Variants in DLG2 observed in about 807,000 individuals in gnomAD.
The protein encoded by DLG2 is discs large MAGUK scaffold protein 2.
A neutral mutation model predicts 132.5 loss-of-function variants in DLG2; 45 were observed. That is an observed-to-expected ratio of 0.34 (90% CI 0.27 to 0.44). The LOEUF (loss-of-function observed/expected upper bound fraction) is 0.44. DLG2 is among the 20% of genes least tolerant of loss of function. DLG2 has a pLI of 1.00. For synonymous variants in DLG2, 424 were observed against 419.6 expected (o/e 1.01, Z -0.13); for missense variants, 1,045 against 1,196.9 (o/e 0.87, Z 1.87).
At chr11:83,659,424 CTT>C (rs1005109396) in intron 18 of DLG2, among the ~76,000 whole-genome samples, 1 of 152,212 alleles carries the variant, frequency 6.6e-6, no homozygotes, top group Admixed American at 6.5e-5. Flanking sequence ...CACTCCATCT[CTT>C]TTTGCTTACT....
intron 6 of DLG2, among the ~76,000 whole-genome samples, chr11:85,010,805 T>C (rs552851018): frequency 2.0e-5 from 3 of 152,284 alleles, no homozygotes; most frequent in South Asian, 2.1e-4. Flanking sequence ...AAGATGCTAA[T>C]TGCTTTTGGT....
intron 6 of DLG2, among the ~76,000 whole-genome samples, chr11:84,795,845 C>T (rs1478167748): frequency 6.6e-6 from 1 of 152,190 alleles, no homozygotes. Flanking sequence ...ACCGTGAAAG[C>T]CACTTGTGGT....
At chr11:84,224,607 A>G (rs1382161202) in intron 8 of DLG2, among the ~76,000 whole-genome samples, 1 of 152,162 alleles carries the variant, frequency 6.6e-6, no homozygotes, top group Non-Finnish European at 1.5e-5. Context: ...TATGTGATAG[A>G]TATTATTATT....
rs191567186 is a variant in DLG2 at position 84,669,791 on chromosome 11, T to C, written c.358-135060A>G. Among the ~76,000 whole-genome samples, 63 of 152,292 alleles carry C rather than the reference T, an allele frequency of 4.1e-4. 1 individual carries two copies. The highest frequency in any genetic ancestry group is 3.5e-3 in the Admixed American group (53 of 15,286). ...ATACACTTCATTTTTAGGCTTGGAC[T>C]CCTAAGTACCTCCTTGGAGATCCTC... On this transcript the variant is annotated intron_variant, in intron 6 of 27. Transcript: ENST00000376104.
At chr11:84,088,998 A>T (rs750461370) in intron 10 of DLG2, among the ~76,000 whole-genome samples, 16 of 152,212 alleles carry the variant, frequency 1.1e-4, no homozygotes, top group Non-Finnish European at 2.1e-4. Context: ...AACATTTACC[A>T]TGATCATAGT....
chr11:84,486,569 A>G lies in DLG2; in HGVS notation c.519+48001T>C, dbSNP rs369690003. Among the ~76,000 whole-genome samples, 6 of 152,222 alleles carry G rather than the reference A, an allele frequency of 3.9e-5. No individual in the cohort carries two copies. In the South Asian group the frequency reaches 1.2e-3, roughly 32 times the overall value. On this transcript the variant is annotated intron_variant, in intron 7 of 27. Coordinates refer to ENST00000376104, the MANE Select transcript of DLG2 (RefSeq NM_001142699.3). ...GCGAGTGACAAGATGATTTCCTTCT[A>G]TTGGAAATAGGTGTGAAAATCTGCC...
chr11:83,894,390 G>C (rs2070935053), intron 15 of DLG2, among the ~76,000 whole-genome samples: 1 of 152,004 alleles, frequency 6.6e-6, no homozygotes, highest in Non-Finnish European at 1.5e-5. Flanking sequence ...TTAGAACAGA[G>C]GAGATTTCAC....
At chr11:84,261,359 C>T (rs1037742963) in intron 7 of DLG2, among the ~76,000 whole-genome samples, 1 of 152,146 alleles carries the variant, frequency 6.6e-6, no homozygotes, top group Non-Finnish European at 1.5e-5. Context: ...AAATCAGTTG[C>T]AGTCCTCAAT....
chr11:84,611,493 C>T (rs924643753), intron 6 of DLG2, among the ~76,000 whole-genome samples: 20 of 152,230 alleles, frequency 1.3e-4, no homozygotes, highest in Admixed American at 2.6e-4. Context: ...CTTGAAGAAG[C>T]TTAAAATTCT....
At chr11:85,312,873 A>T (rs901697949) in intron 3 of DLG2, among the ~76,000 whole-genome samples, 1 of 151,958 alleles carries the variant, frequency 6.6e-6, no homozygotes, top group African/African-American at 2.4e-5. Flanking sequence ...AAAAATATTG[A>T]GAAATGATGA....
chr11:84,316,507 G>T (rs989662094), intron 7 of DLG2, among the ~76,000 whole-genome samples: 3 of 151,904 alleles, frequency 2.0e-5, no homozygotes, highest in African/African-American at 7.3e-5. Flanking sequence ...AAACAGGCAG[G>T]ACAGAACAAA....
At chr11:84,504,947 C>A (rs193157717) in intron 7 of DLG2, among the ~76,000 whole-genome samples, 1 of 152,080 alleles carries the variant, frequency 6.6e-6, no homozygotes, top group Non-Finnish European at 1.5e-5. Flanking sequence ...AATATTTGCT[C>A]GTATTGCTAT....
At chr11:85,566,409 A>G (rs1208879739) in intron 3 of DLG2, among the ~76,000 whole-genome samples, 11 of 152,042 alleles carry the variant, frequency 7.2e-5, no homozygotes, top group Non-Finnish European at 1.5e-4. Context: ...ATCCAAAGTC[A>G]TGAAGATTGT....
intron 6 of DLG2, among the ~76,000 whole-genome samples, chr11:84,981,735 C>T (rs1458003604): frequency 6.6e-6 from 1 of 152,088 alleles, no homozygotes; most frequent in African/African-American, 2.4e-5. Flanking sequence ...TACATCCTCA[C>T]CCAGTTACTG....
chr11:84,018,737 G>A (rs1207477582), intron 11 of DLG2, among the ~76,000 whole-genome samples: 3 of 151,602 alleles, frequency 2.0e-5, no homozygotes, highest in South Asian at 4.2e-4. Flanking sequence ...AGTAGATTTG[G>A]CAAACTATAT....
chr11:83,954,131 A>T (rs1167707306), intron 14 of DLG2, among the ~76,000 whole-genome samples: 1 of 152,160 alleles, frequency 6.6e-6, no homozygotes, highest in Non-Finnish European at 1.5e-5. Flanking sequence ...TATCTATAGG[A>T]GCCGGTTTTA....
chr11:85,237,998 G>A (rs1476063922), intron 4 of DLG2, among the ~76,000 whole-genome samples: 1 of 151,594 alleles, frequency 6.6e-6, no homozygotes, highest in Non-Finnish European at 1.5e-5. Context: ...CTTAAATCCT[G>A]GTGCTCACTT....
chr11:84,462,569 G>T (rs532111137), intron 7 of DLG2, among the ~76,000 whole-genome samples: 2 of 151,106 alleles, frequency 1.3e-5, no homozygotes, highest in Admixed American at 6.6e-5. Flanking sequence ...GTTTCACAGG[G>T]CTGTAAAGTC....
chr11:85,301,768 T>C (rs1017977034), intron 3 of DLG2, among the ~76,000 whole-genome samples: 2 of 152,204 alleles, frequency 1.3e-5, no homozygotes, highest in African/African-American at 4.8e-5. Flanking sequence ...ACGGTCACTA[T>C]GCAGGCAGAT....
Sources: gnomAD v4.1 joint callset for allele counts (sites outside exome capture counted in the v4.1 genomes callset) on GRCh38, gnomAD v4.1.1 for gene constraint, MANE v1.5 for transcripts, NCBI Gene and HGNC (gene_info 2026-07-23, HGNC 2026-07-21) for gene names.